CCNY: variants seen among roughly 807,000 people sequenced by gnomAD.
CCNY encodes the protein cyclin-Y.
CCNY carries 19 observed loss-of-function variants against 42.8 expected under a neutral mutation model. The observed-to-expected ratio is 0.44, with a 90% confidence interval of 0.31 to 0.65. CCNY has a LOEUF of 0.65. CCNY is among the 30% of genes least tolerant of loss of function. CCNY has a pLI of 0.07. For missense variants in CCNY, 370 were observed against 437.3 expected, an observed-to-expected ratio of 0.85 and a Z score of 1.37; for synonymous variants, 165 against 162.7, an observed-to-expected ratio of 1.01 and a Z score of -0.11.
chr10:35,525,823 T>C (rs1051081652), intron 4 of CCNY, 141 bp from the exon 5 acceptor site: 1 of 553,666 alleles, frequency 1.8e-6, no homozygotes, highest in African/African-American at 1.9e-5. Flanking sequence ...CTAATGAGCA[T>C]TGTGAATGAG....
intron 7 of CCNY, among the ~76,000 whole-genome samples, chr10:35,541,932 T>G (rs1325459632): frequency 2.7e-5 from 4 of 150,486 alleles, no homozygotes; most frequent in African/African-American, 9.8e-5. Flanking sequence ...ATATTGTGTC[T>G]AGTTGTCGTT....
At chr10:35,440,795 T>C (rs2135294975) in intron 1 of CCNY, among the ~76,000 whole-genome samples, 1 of 152,354 alleles carries the variant, frequency 6.6e-6, no homozygotes, top group South Asian at 2.1e-4. Flanking sequence ...TTATCTTTAC[T>C]TCTGAGAAGC....
At chr10:35,495,106 A>G (rs1444304819) in intron 2 of CCNY, among the ~76,000 whole-genome samples, 4 of 152,200 alleles carry the variant, frequency 2.6e-5, no homozygotes, top group Admixed American at 1.3e-4. Flanking sequence ...AATCCACAAT[A>G]CTTCTGGACC....
chr10:35,486,690 C>T (rs1390140796), intron 2 of CCNY, among the ~76,000 whole-genome samples: 1 of 152,220 alleles, frequency 6.6e-6, no homozygotes, highest in East Asian at 1.9e-4. Context: ...TGAGGCCCAT[C>T]GTGATCCAGC....
intron 3 of CCNY, among the ~76,000 whole-genome samples, chr10:35,308,504 A>C (rs1420248173): frequency 6.6e-6 from 1 of 152,098 alleles, no homozygotes. Context: ...GTGAGTTATG[A>C]TCCTGTCACT....
chr10:35,259,599 T>G (rs1056518884), intron 3 of CCNY, among the ~76,000 whole-genome samples: 2 of 145,034 alleles, frequency 1.4e-5, no homozygotes, highest in Non-Finnish European at 3.0e-5. Context: ...ACCTCCTGGG[T>G]TCAAGTGATT....
chr10:35,542,475 A>G (rs1448707257), intron 7 of CCNY, among the ~76,000 whole-genome samples: 1 of 151,840 alleles, frequency 6.6e-6, no homozygotes, highest in Non-Finnish European at 1.5e-5. Flanking sequence ...GTATCCTTCG[A>G]ATGAGGTCAC....
intron 1 of CCNY, among the ~76,000 whole-genome samples, 162 bp from the exon 2 acceptor site, chr10:35,483,242 T>G (rs1188839448): frequency 6.6e-6 from 1 of 152,254 alleles, no homozygotes; most frequent in Non-Finnish European, 1.5e-5. Flanking sequence ...TAAATAGCAG[T>G]GTTCTGAATT....
rs567931899 is a variant in CCNY at position 35,544,621 on chromosome 10, T to G, written c.580-8398T>G. Among the ~76,000 whole-genome samples, 3 of 152,290 alleles carry G rather than the reference T, an allele frequency of 2.0e-5. No homozygotes were observed. The South Asian group carries it at 6.2e-4, about 32-fold the overall frequency. On this transcript the variant is annotated intron_variant, in intron 7 of 9. Transcript: ENST00000374704. ...TAGAGACAGCACCCAAGGTTTGTGT[T>G]GAGTGTTGGTTACGCAGACATCCTC...
intron 1 of CCNY, among the ~76,000 whole-genome samples, chr10:35,389,601 A>T (rs371825096): frequency 1.3e-5 from 2 of 151,860 alleles, no homozygotes; most frequent in Admixed American, 6.6e-5. Context: ...CACCATGCCC[A>T]GCTAATTTTT....
At chr10:35,521,604 G>C (rs1460638502) in intron 4 of CCNY, among the ~76,000 whole-genome samples, 1 of 152,198 alleles carries the variant, frequency 6.6e-6, no homozygotes, top group Non-Finnish European at 1.5e-5. Context: ...ATGGCTCCTG[G>C]GCTGTTCTCT....
chr10:35,520,542 CTG>C (rs922225295), intron 4 of CCNY, among the ~76,000 whole-genome samples: 2 of 152,088 alleles, frequency 1.3e-5, no homozygotes, highest in African/African-American at 2.4e-5. Flanking sequence ...AAGGTTGTAA[CTG>C]TGAGAAGAAT....
intron 1 of CCNY, among the ~76,000 whole-genome samples, chr10:35,474,589 G>C (rs1253505234): frequency 2.6e-5 from 4 of 152,130 alleles, no homozygotes; most frequent in African/African-American, 9.7e-5. Context: ...TGAGGGTCCT[G>C]TCTGTTAGAA....
chr10:35,367,717 C>T (rs896857126), intron 1 of CCNY, among the ~76,000 whole-genome samples: 5 of 152,192 alleles, frequency 3.3e-5, no homozygotes, highest in Non-Finnish European at 5.9e-5. Flanking sequence ...TGTCAGCGTG[C>T]GCCCATGTCA....
chr10:35,296,538 G>A (rs1340044566), intron 3 of CCNY, among the ~76,000 whole-genome samples: 2 of 152,060 alleles, frequency 1.3e-5, no homozygotes, highest in African/African-American at 2.4e-5. Context: ...CCAAGATCAC[G>A]TCACAGCACT....
At chr10:35,362,439 C>T (rs111663591) in intron 1 of CCNY, among the ~76,000 whole-genome samples, 6 of 152,060 alleles carry the variant, frequency 3.9e-5, no homozygotes, top group African/African-American at 1.4e-4. Context: ...CTCCAGGTGA[C>T]AAAGTACAGG....
chr10:35,379,361 C>T (rs1837126909), intron 1 of CCNY, among the ~76,000 whole-genome samples: 1 of 152,160 alleles, frequency 6.6e-6, no homozygotes, highest in Non-Finnish European at 1.5e-5. Context: ...TTCTTATCAG[C>T]TTGCCCAGAT....
chr10:35,258,037 A>T (rs921351860), intron 3 of CCNY, among the ~76,000 whole-genome samples: 1 of 151,666 alleles, frequency 6.6e-6, no homozygotes, highest in Non-Finnish European at 1.5e-5. Flanking sequence ...CCTCTAGTGA[A>T]TTTTTCATTT....
chr10:35,275,257 G>A lies in CCNY; in HGVS notation c.-9+24631G>A, dbSNP rs12264076. Reference sequence around the variant, plus strand: ...TTTTTTGTGTTTTTAGTAGAGATGGGGTTTCACCATGTTGGCCAGGCTGGT... The same window carrying A: ...TTTTTTGTGTTTTTAGTAGAGATGGAGTTTCACCATGTTGGCCAGGCTGGT... On this transcript the variant is annotated intron_variant, in intron 3 of 11. Coordinates refer to the CCNY transcript ENST00000374706. Among the ~76,000 whole-genome samples the A allele has an allele frequency of 7.0e-3, 1,054 of 151,026 alleles. 17 individuals carry two copies. The highest frequency in any genetic ancestry group is 0.025 in the African/African-American group (1,015 of 41,202).
Sources: allele counts gnomAD v4.1 joint callset (sites outside exome capture counted in the v4.1 genomes callset), GRCh38; gene constraint gnomAD v4.1.1; transcripts MANE v1.5; gene names NCBI Gene and HGNC (gene_info 2026-07-23, HGNC 2026-07-21).